OLFM3: variants seen among roughly 807,000 people sequenced by gnomAD.
OLFM3 encodes noelin-3.
A neutral mutation model predicts 48.6 loss-of-function variants in OLFM3; 20 were observed. The ratio of observed to expected loss-of-function variants is 0.41; its 90% CI spans 0.29 to 0.60. OLFM3 has a LOEUF of 0.60. Ranked by LOEUF, OLFM3 falls within the 20% of genes least tolerant of loss-of-function variation. OLFM3 has a pLI of 0.28. For synonymous variants in OLFM3, 222 were observed against 198.1 expected, an observed-to-expected ratio of 1.12 and a Z score of -1.01; for missense variants, 437 against 544.3, an observed-to-expected ratio of 0.80 and a Z score of 1.96.
In OLFM3 at chr1:101,812,293, C is replaced by T. The variant is rs560084578; in HGVS notation, c.593-6111G>A. On this transcript the variant is annotated intron_variant, in intron 4 of 5. Coordinates refer to ENST00000370103, the MANE Select transcript of OLFM3 (RefSeq NM_058170.4). ...GGCACAGGTATACATATGTAACAAACCTGCACATTGTGCACATGTACCTTA... is the reference window on the plus strand; with the variant it reads ...GGCACAGGTATACATATGTAACAAATCTGCACATTGTGCACATGTACCTTA... The T allele has an allele frequency of 3.8e-4, 155 of 403,174 alleles. 1 individual carries two copies. Among genetic ancestry groups the T allele is most frequent in the African/African-American group, 2.5e-3 (113 of 46,022 alleles). The allele number at this position is 403,174 out of a possible 1,614,324, so 25.0% of individuals were successfully genotyped here. A position where few individuals can be genotyped will look rare whatever the true frequency, so the allele number is the denominator to read the frequency against.
At chr1:101,973,188 G>A (rs67117568) in intron 1 of OLFM3, among the ~76,000 whole-genome samples, 37,744 of 152,162 alleles carry the variant, frequency 0.25, 5,251 homozygotes, top group Middle Eastern at 0.36. Flanking sequence ...AAGGCATGCC[G>A]TCTGCAGTGG....
At chr1:101,880,198 C>CA (rs1272786555) in intron 1 of OLFM3, among the ~76,000 whole-genome samples, 1 of 151,796 alleles carries the variant, frequency 6.6e-6, no homozygotes, top group East Asian at 1.9e-4. Context: ...TCATCATGAA[C>CA]AGGGTTTCAC....
chr1:101,897,855 G>T (rs1419541818), intron 1 of OLFM3, among the ~76,000 whole-genome samples: 1 of 151,990 alleles, frequency 6.6e-6, no homozygotes, highest in African/African-American at 2.4e-5. Flanking sequence ...GAACTTTTAA[G>T]ATTATTATTA....
intron 1 of OLFM3, among the ~76,000 whole-genome samples, chr1:101,970,534 G>C (rs754948626): frequency 6.6e-6 from 1 of 150,778 alleles, no homozygotes; most frequent in Non-Finnish European, 1.5e-5. Flanking sequence ...CTTTTCTTTC[G>C]TACTCCTTTT....
At chr1:101,943,767 A>G (rs1425369733) in intron 1 of OLFM3, among the ~76,000 whole-genome samples, 1 of 152,152 alleles carries the variant, frequency 6.6e-6, no homozygotes, top group Non-Finnish European at 1.5e-5. Flanking sequence ...ATCTATCCAC[A>G]TCTCTAATAC....
At chr1:101,904,833 CT>C (rs2101021927) in intron 1 of OLFM3, among the ~76,000 whole-genome samples, 1 of 152,216 alleles carries the variant, frequency 6.6e-6, no homozygotes, top group South Asian at 2.1e-4. Context: ...CTCCTCCCAC[CT>C]GTTTACCTCT....
At position 101,808,125 on chromosome 1, in the gene OLFM3, AC is replaced by A. The variant is rs1653867533; in HGVS notation, c.593-1944del. 2.8e-5 allele frequency among the ~76,000 whole-genome samples: 3 copies of A among 105,510 alleles called. No individual in the cohort carries two copies. The South Asian group carries it at 7.2e-4, about 25-fold the overall frequency. 69.2% of individuals were successfully genotyped at this position (105,510 alleles called of 152,430 possible). On this transcript the variant is annotated intron_variant, in intron 4 of 5. Coordinates refer to ENST00000370103, the MANE Select transcript of OLFM3 (RefSeq NM_058170.4). ...GAAGGGCCTCTCTTTTCCCCTAAAA[AC>A]GTCATAAAACATGTGATTTTTTTTC...
At chr1:101,871,944 T>A (rs1657099520) in intron 1 of OLFM3, among the ~76,000 whole-genome samples, 2 of 151,776 alleles carry the variant, frequency 1.3e-5, no homozygotes, top group East Asian at 3.9e-4. Context: ...CATAGAAAAA[T>A]GAATTATTAC....
At chr1:101,851,625 C>T (rs551701934) in intron 1 of OLFM3, among the ~76,000 whole-genome samples, 4 of 152,142 alleles carry the variant, frequency 2.6e-5, no homozygotes, top group Admixed American at 2.6e-4. Context: ...GCTAATAGTC[C>T]AATTCAAAGT....
chr1:101,870,605 G>A (rs1657041811), intron 1 of OLFM3, among the ~76,000 whole-genome samples: 1 of 151,988 alleles, frequency 6.6e-6, no homozygotes, highest in Non-Finnish European at 1.5e-5. Context: ...AGATATTACA[G>A]ACTGTTAATG....
chr1:101,931,888 A>G (rs1408658180), intron 1 of OLFM3, among the ~76,000 whole-genome samples: 1 of 152,206 alleles, frequency 6.6e-6, no homozygotes, highest in Non-Finnish European at 1.5e-5. Flanking sequence ...ATCTTTGACA[A>G]AAAGGCAACA....
chr1:101,910,428 T>C (rs1431568212), intron 1 of OLFM3, among the ~76,000 whole-genome samples: 1 of 149,258 alleles, frequency 6.7e-6, no homozygotes, highest in East Asian at 2.0e-4. Flanking sequence ...ATCACGCCAC[T>C]GCACTCCAGC....
chr1:101,926,296 C>T (rs1659268859), intron 1 of OLFM3, among the ~76,000 whole-genome samples: 1 of 152,140 alleles, frequency 6.6e-6, no homozygotes, highest in African/African-American at 2.4e-5. Flanking sequence ...GATATTGAAT[C>T]TATATCTAAT....
At position 101,836,982 on chromosome 1, in the gene OLFM3, G is replaced by A. The variant is rs772065696; in HGVS notation, c.113C>T (p.Ala38Val). 6.2e-7 allele frequency: 1 copy of A among 1,614,156 alleles called. No homozygotes were observed. Among genetic ancestry groups the A allele is most frequent in the African/African-American group, 1.3e-5 (1 of 75,050 alleles). The change falls in exon 2 of 6, where the codon GCT (alanine) becomes GTT (valine). Residue 38 changes from alanine (A) to valine (V), a missense_variant. Around this residue, in one of 3 missense-constraint regions of OLFM3, gnomAD observed 314 missense variants for 365.5 expected, o/e 0.86. Coordinates refer to ENST00000370103, the MANE Select transcript of OLFM3 (RefSeq NM_058170.4). ...AATGCACCGCCCATCAGGATCCTGAGCTGAGCTGTACACCTGCCACCCTTC... is the reference window on the plus strand; with the variant it reads ...AATGCACCGCCCATCAGGATCCTGAACTGAGCTGTACACCTGCCACCCTTC... ...PKEGWQVYSS[A>V]QDPDGRCICT...
intron 1 of OLFM3, among the ~76,000 whole-genome samples, chr1:101,901,460 C>A (rs748424198): frequency 6.6e-6 from 1 of 151,920 alleles, no homozygotes; most frequent in Non-Finnish European, 1.5e-5. Context: ...AGAGCTGGAA[C>A]GGTGATATAG....
intron 1 of OLFM3, among the ~76,000 whole-genome samples, chr1:101,858,625 C>T (rs1656524147): frequency 6.6e-6 from 1 of 151,782 alleles, no homozygotes; most frequent in African/African-American, 2.4e-5. Flanking sequence ...GTGAATTTCC[C>T]CCTTGCTGTT....
chr1:101,873,120 T>C (rs1248457766), intron 1 of OLFM3, among the ~76,000 whole-genome samples: 2 of 151,940 alleles, frequency 1.3e-5, no homozygotes, highest in Non-Finnish European at 2.9e-5. Context: ...GCTACCTTAA[T>C]ATGAATAAAC....
At chr1:101,950,162 T>G (rs1660092581) in intron 1 of OLFM3, among the ~76,000 whole-genome samples, 1 of 152,184 alleles carries the variant, frequency 6.6e-6, no homozygotes, top group African/African-American at 2.4e-5. Context: ...TCATCTCTGA[T>G]CACTCTCTAA....
At position 101,891,527 on chromosome 1, in the gene OLFM3, T is replaced by A. The variant is rs78921698; in HGVS notation, c.70-54502A>T. On this transcript the variant is annotated intron_variant, in intron 1 of 5. Coordinates refer to ENST00000370103, the MANE Select transcript of OLFM3 (RefSeq NM_058170.4). The stretch of plus-strand genomic sequence containing the variant: ...ATTACTCATAAGAAGCATGGTTTTG[T>A]TTGTTTTCTTAAAATTTGGACCATC... 8.2e-3 allele frequency among the ~76,000 whole-genome samples: 1,244 copies of A among 152,028 alleles called. 7 individuals carry two copies. Among genetic ancestry groups the A allele is most frequent in the Middle Eastern group, 0.02 (6 of 294 alleles).
Sources: gnomAD v4.1 joint callset for allele counts (sites outside exome capture counted in the v4.1 genomes callset) on GRCh38, gnomAD v4.1.1 for gene constraint, gnomAD v4.1.1 regional missense constraint, MANE v1.5 for transcripts, NCBI Gene and HGNC (gene_info 2026-07-23, HGNC 2026-07-21) for gene names.